PRKN: variants seen among roughly 807,000 people sequenced by gnomAD.
The protein encoded by PRKN is parkin RBR E3 ubiquitin protein ligase.
A neutral mutation model predicts 59.5 loss-of-function variants in PRKN; 56 were observed. The observed-to-expected ratio is 0.94, with a 90% confidence interval of 0.76 to 1.18. The LOEUF (loss-of-function observed/expected upper bound fraction) is 1.18. Among genes scored for constraint, PRKN ranks in the 50% most tolerant of loss-of-function variants. The pLI, the probability that PRKN is intolerant of heterozygous loss-of-function variation, is 0.00. For synonymous variants in PRKN, 250 were observed against 222.1 expected (o/e 1.13, Z -1.12); for missense variants, 657 against 596.4 (o/e 1.10, Z -1.06).
rs59889520 is a variant in PRKN, at chr6:161,549,118, A to ATGTGTG, written c.934-121_934-116dup. The ATGTGTG allele has an allele frequency of 1.7e-3, 1,493 of 873,280 alleles. 15 individuals are homozygous for ATGTGTG. The African/African-American group carries it at 0.02, about 12-fold the overall frequency. The allele number at this position is 873,280 out of a possible 1,614,324, so 54.1% of individuals were successfully genotyped here. ...TTAACCAGTTTCAGTAAAATAATGC[A>ATGTGTG]TGTGTGTGTGTGTGTGTGTGTGTAG... is the stretch of plus-strand genomic sequence containing the variant. On this transcript the variant is annotated intron_variant, in intron 8 of 11. Transcript: ENST00000366898. This position sits in a 1 kb window ranked among gnomAD's most constrained non-coding sequence, Gnocchi z 6.0.
At chr6:162,066,440 C>T (rs1031233595) in intron 4 of PRKN, among the ~76,000 whole-genome samples, 4 of 152,072 alleles carry the variant, frequency 2.6e-5, no homozygotes, top group Non-Finnish European at 4.4e-5. Flanking sequence ...CTAGATATGT[C>T]CCCTAAAATT....
intron 9 of PRKN, among the ~76,000 whole-genome samples, chr6:161,431,281 A>C (rs1486441933): frequency 6.6e-6 from 1 of 152,128 alleles, no homozygotes; most frequent in Non-Finnish European, 1.5e-5. Flanking sequence ...GCCACTGAAG[A>C]AATGGCTTTT....
chr6:162,626,529 G>A (rs2128221816), intron 1 of PRKN, among the ~76,000 whole-genome samples: 1 of 152,128 alleles, frequency 6.6e-6, no homozygotes, highest in Middle Eastern at 3.4e-3. Flanking sequence ...GGATATGGTG[G>A]CTCAGGCCGG....
Position 162,120,421 on chromosome 6 carries a change from G to A in PRKN, c.535-66247C>T, listed in dbSNP as rs1301793267. ...CTATCATCACAGGTAGGTATTGCAAGGACTTTCACCTAATAGGACAACCAT... is the reference window on the plus strand; with the variant it reads ...CTATCATCACAGGTAGGTATTGCAAAGACTTTCACCTAATAGGACAACCAT... On this transcript the variant is annotated intron_variant, in intron 4 of 11. Transcript: ENST00000366898. 2.0e-5 allele frequency among the ~76,000 whole-genome samples: 3 copies of A among 152,154 alleles called. No individual in the cohort carries two copies. In the East Asian group the frequency reaches 5.8e-4, roughly 29 times the overall value.
intron 1 of PRKN, among the ~76,000 whole-genome samples, chr6:162,495,021 T>C (rs2128186070): frequency 6.6e-6 from 1 of 152,256 alleles, no homozygotes; most frequent in Non-Finnish European, 1.5e-5. Flanking sequence ...TATTTCACTG[T>C]CACTGAAGGA....
chr6:161,907,208 T>C (rs868766823), intron 6 of PRKN, among the ~76,000 whole-genome samples: 2 of 152,310 alleles, frequency 1.3e-5, no homozygotes, highest in Middle Eastern at 3.4e-3. Context: ...CTGTATTTCA[T>C]TTTGGAGAAC....
At chr6:161,384,324 T>G (rs562975905) in intron 10 of PRKN, among the ~76,000 whole-genome samples, 11 of 152,308 alleles carry the variant, frequency 7.2e-5, no homozygotes, top group African/African-American at 2.6e-4. Context: ...GAGGCTTGCT[T>G]GAGCTCAGGA....
At chr6:162,495,978 G>A (rs950738719) in intron 1 of PRKN, among the ~76,000 whole-genome samples, 5 of 152,068 alleles carry the variant, frequency 3.3e-5, no homozygotes, top group African/African-American at 4.8e-5. Flanking sequence ...GGCCAGGTGC[G>A]GTGGCTCACA....
At chr6:161,904,620 T>C (rs922824616) in intron 6 of PRKN, among the ~76,000 whole-genome samples, 2 of 152,120 alleles carry the variant, frequency 1.3e-5, no homozygotes, top group Non-Finnish European at 2.9e-5. Context: ...CGACCTCAAA[T>C]TTGTTTTTAA....
chr6:162,555,545 G>A (rs1189384126), intron 1 of PRKN, among the ~76,000 whole-genome samples: 1 of 151,840 alleles, frequency 6.6e-6, no homozygotes, highest in Non-Finnish European at 1.5e-5. Flanking sequence ...CACTGTTGCT[G>A]AGATAACTCA....
intron 2 of PRKN, among the ~76,000 whole-genome samples, chr6:162,323,356 T>G (rs902815770): frequency 8.6e-5 from 13 of 151,938 alleles, no homozygotes; most frequent in African/African-American, 2.9e-4. Context: ...CAAGAATTTC[T>G]TAGATAATAA....
At chr6:162,499,752 A>G (rs1294440636) in intron 1 of PRKN, among the ~76,000 whole-genome samples, 1 of 152,226 alleles carries the variant, frequency 6.6e-6, no homozygotes, top group Non-Finnish European at 1.5e-5. Context: ...TCTCTAGCCG[A>G]GAGGAACAGT....
chr6:161,655,120 C>T (rs933445840), intron 7 of PRKN, among the ~76,000 whole-genome samples: 1 of 141,792 alleles, frequency 7.1e-6, no homozygotes, highest in Non-Finnish European at 1.5e-5. Context: ...ATGGGCCTGG[C>T]CCCTCATCAC....
intron 1 of PRKN, chr6:162,568,403 T>C: frequency 6.0e-6 from 3 of 502,602 alleles, no homozygotes; most frequent in Non-Finnish European, 7.3e-6. Flanking sequence ...GACCCAGAAG[T>C]CCTATAAGGT....
chr6:162,430,429 T>G (rs1029971907), intron 2 of PRKN, among the ~76,000 whole-genome samples: 1 of 152,162 alleles, frequency 6.6e-6, no homozygotes, highest in South Asian at 2.1e-4. Flanking sequence ...CCATGCACTA[T>G]GACTTGTGGA....
At chr6:161,586,537 A>G (rs1562542852) in intron 7 of PRKN, among the ~76,000 whole-genome samples, 2 of 152,200 alleles carry the variant, frequency 1.3e-5, no homozygotes, top group Non-Finnish European at 2.9e-5. Context: ...GAATCAATCA[A>G]TCAATATTAA....
intron 4 of PRKN, among the ~76,000 whole-genome samples, chr6:162,081,981 A>T (rs192434074): frequency 6.6e-5 from 10 of 152,260 alleles, no homozygotes; most frequent in African/African-American, 1.9e-4. Context: ...TACCTCTGCC[A>T]GCTGAACAAC....
At chr6:161,481,592 G>C (rs1791401935) in intron 9 of PRKN, among the ~76,000 whole-genome samples, 1 of 151,906 alleles carries the variant, frequency 6.6e-6, no homozygotes, top group African/African-American at 2.4e-5. Context: ...GACAGAGCAA[G>C]ACTCCATCTC....
chr6:161,351,879 G>A (rs1784565737), intron 11 of PRKN, among the ~76,000 whole-genome samples: 1 of 152,124 alleles, frequency 6.6e-6, no homozygotes, highest in Non-Finnish European at 1.5e-5. Flanking sequence ...CACAGAACAG[G>A]TTATTTTCAG....
Sources: allele counts gnomAD v4.1 joint callset (sites outside exome capture counted in the v4.1 genomes callset), GRCh38; gene constraint gnomAD v4.1.1; non-coding constraint Gnocchi (gnomAD v3.1); transcripts MANE v1.5; gene names NCBI Gene and HGNC (gene_info 2026-07-23, HGNC 2026-07-21).